The following CDH13 variants were observed in gnomAD, a reference collection of about 807,000 sequenced individuals.
CDH13 encodes the protein cadherin-13.
A neutral mutation model predicts 63.8 loss-of-function variants in CDH13; 24 were observed. That is an observed-to-expected ratio of 0.38 (90% confidence interval 0.27 to 0.53). The LOEUF is 0.53. Ranked by LOEUF, CDH13 falls within the 20% of genes least tolerant of loss-of-function variation. CDH13 has a pLI of 0.85. For missense variants in CDH13, 1,049 were observed against 903.1 expected, an observed-to-expected ratio of 1.16 and a Z score of -2.07; for synonymous variants, 503 against 355.3, an observed-to-expected ratio of 1.42 and a Z score of -4.67.
chr16:83,377,567 T>C (rs1198472167), intron 6 of CDH13, among the ~76,000 whole-genome samples: 1 of 152,188 alleles, frequency 6.6e-6, no homozygotes, highest in Non-Finnish European at 1.5e-5. Context: ...TGCCCATTGG[T>C]GGTGACAAAT....
chr16:82,708,183 G>A (rs183931613), intron 1 of CDH13, among the ~76,000 whole-genome samples: 7 of 152,212 alleles, frequency 4.6e-5, no homozygotes, highest in East Asian at 1.9e-4. Flanking sequence ...CACACTGTTC[G>A]CATCCCATTT....
intron 4 of CDH13, among the ~76,000 whole-genome samples, chr16:83,189,677 G>A (rs1430566129): frequency 1.3e-5 from 2 of 152,134 alleles, no homozygotes; most frequent in Non-Finnish European, 2.9e-5. Flanking sequence ...ACAGACACTT[G>A]GTCAAAGAAG....
At chr16:83,394,067 A>G (rs1190551550) in intron 6 of CDH13, among the ~76,000 whole-genome samples, 1 of 152,152 alleles carries the variant, frequency 6.6e-6, no homozygotes, top group Non-Finnish European at 1.5e-5. Context: ...ACAGAAGGCA[A>G]CAATGAACAC....
rs554462691 is a variant in CDH13, at chr16:83,665,054, T to C, written c.1102-5736T>C. Among the ~76,000 whole-genome samples the C allele has an allele frequency of 1.2e-4, 19 of 152,262 alleles. No homozygotes were observed. In the South Asian group the frequency reaches 2.5e-3, roughly 20 times the overall value. On this transcript the variant is annotated intron_variant, in intron 8 of 13. Transcript: ENST00000567109. ...CCTAATCATAGAAGAAAACCAGATA[T>C]CTAATGCCGCTTTCCCTTCCAAATG...
intron 6 of CDH13, among the ~76,000 whole-genome samples, chr16:83,478,840 AAAAAAAAAAAAAAG>A (rs2073681590): frequency 7.4e-6 from 1 of 135,312 alleles, no homozygotes; most frequent in Non-Finnish European, 1.6e-5. Context: ...AGATGAGAAA[AAAAAAAAAAAAAAG>A]AAAAAAAGAA....
At chr16:83,161,416 T>C (rs887818539) in intron 4 of CDH13, among the ~76,000 whole-genome samples, 7 of 152,182 alleles carry the variant, frequency 4.6e-5, no homozygotes, top group African/African-American at 1.7e-4. Flanking sequence ...TTTAAATGAG[T>C]AATTCTAATT....
At chr16:82,996,971 A>G (rs538852478) in intron 2 of CDH13, among the ~76,000 whole-genome samples, 24 of 137,516 alleles carry the variant, frequency 1.7e-4, no homozygotes, top group Middle Eastern at 4.4e-3. Flanking sequence ...TGGTGGTGGT[A>G]ATGATGATGG....
At chr16:83,506,601 T>A (rs2074402866) in intron 7 of CDH13, among the ~76,000 whole-genome samples, 1 of 152,224 alleles carries the variant, frequency 6.6e-6, no homozygotes, top group Admixed American at 6.5e-5. Context: ...TCCCAGTGAT[T>A]CTCACCTCAT....
At chr16:82,980,420 G>A (rs1910110192) in intron 2 of CDH13, among the ~76,000 whole-genome samples, 1 of 152,162 alleles carries the variant, frequency 6.6e-6, no homozygotes, top group Non-Finnish European at 1.5e-5. Context: ...ATCCAGCCTG[G>A]TTTTCATCTA....
intron 2 of CDH13, among the ~76,000 whole-genome samples, chr16:82,929,094 T>G (rs1462738828): frequency 6.6e-6 from 1 of 152,230 alleles, no homozygotes; most frequent in East Asian, 1.9e-4. Flanking sequence ...TTAGATCACC[T>G]TTAAAAAATA....
chr16:83,587,719 C>A (rs1906305824), intron 7 of CDH13, among the ~76,000 whole-genome samples: 1 of 152,104 alleles, frequency 6.6e-6, no homozygotes, highest in Non-Finnish European at 1.5e-5. Flanking sequence ...ACATACGGAG[C>A]CACCATAAAA....
intron 4 of CDH13, among the ~76,000 whole-genome samples, chr16:83,147,549 C>A (rs1404883173): frequency 6.6e-6 from 1 of 152,236 alleles, no homozygotes; most frequent in Non-Finnish European, 1.5e-5. Context: ...CTTATCACAG[C>A]TGTCCTGTTA....
At chr16:83,216,747 T>C (rs2039545691) in intron 4 of CDH13, among the ~76,000 whole-genome samples, 1 of 148,864 alleles carries the variant, frequency 6.7e-6, no homozygotes, top group African/African-American at 2.5e-5. Context: ...GTTTGATATA[T>C]ATAATATTTA....
chr16:83,360,417 T>C (rs1330703173), intron 6 of CDH13, among the ~76,000 whole-genome samples: 1 of 152,150 alleles, frequency 6.6e-6, no homozygotes, highest in African/African-American at 2.4e-5. Flanking sequence ...TTTTAGTTGG[T>C]TTGATTGTTT....
At chr16:83,278,258 C>G (rs1051466855) in intron 5 of CDH13, among the ~76,000 whole-genome samples, 1 of 152,186 alleles carries the variant, frequency 6.6e-6, no homozygotes, top group African/African-American at 2.4e-5. Flanking sequence ...TCCTTTATCT[C>G]TCATTCCCAA....
intron 8 of CDH13, among the ~76,000 whole-genome samples, chr16:83,619,542 G>A (rs981860242): frequency 3.3e-5 from 5 of 152,238 alleles, no homozygotes; most frequent in African/African-American, 1.2e-4. Context: ...TTTGGAGGCT[G>A]GGAGAGAGAA....
At chr16:83,380,445 G>T (rs114389644) in intron 6 of CDH13, among the ~76,000 whole-genome samples, 1 of 152,096 alleles carries the variant, frequency 6.6e-6, no homozygotes, top group East Asian at 1.9e-4. Context: ...GATAAAAGAC[G>T]TGACAGATAC....
chr16:83,379,006 T>TACAC (rs59189186), intron 6 of CDH13, among the ~76,000 whole-genome samples: 7 of 148,932 alleles, frequency 4.7e-5, no homozygotes, highest in Non-Finnish European at 1.0e-4. Context: ...TATATATATA[T>TACAC]ACACACACAC....
chr16:83,628,284 T>A (rs1910497125), intron 8 of CDH13, among the ~76,000 whole-genome samples: 1 of 152,210 alleles, frequency 6.6e-6, no homozygotes, highest in Non-Finnish European at 1.5e-5. Flanking sequence ...TTTTGCATAT[T>A]TTTTGGAGAA....
Sources: gnomAD v4.1 joint callset for allele counts (sites outside exome capture counted in the v4.1 genomes callset) on GRCh38, gnomAD v4.1.1 for gene constraint, MANE v1.5 for transcripts, NCBI Gene and HGNC (gene_info 2026-07-23, HGNC 2026-07-21) for gene names.